Variants in NCOA1 observed in about 807,000 individuals in gnomAD.
NCOA1 encodes nuclear receptor coactivator 1, also known as Hin-2 protein.
In NCOA1, 35 loss-of-function variants were observed where a neutral mutation model predicts 150.9. That is an observed-to-expected ratio of 0.23 (90% CI 0.18 to 0.31). The LOEUF is 0.31. Among genes scored for constraint, NCOA1 ranks in the 10% least tolerant of loss-of-function variants. NCOA1 has a pLI of 1.00. For synonymous variants in NCOA1, 590 were observed against 630.0 expected (o/e 0.94, Z 0.95); for missense variants, 1,491 against 1,749.3 (o/e 0.85, Z 2.63).
chr2:24,735,549 T>A (rs969825795), intron 17 of NCOA1, among the ~76,000 whole-genome samples: 1 of 152,046 alleles, frequency 6.6e-6, no homozygotes, highest in Non-Finnish European at 1.5e-5. Flanking sequence ...TAAATAGATA[T>A]CATTTATTGG....
chr2:24,528,528 T>G (rs1013627601), intron 1 of NCOA1, among the ~76,000 whole-genome samples: 3 of 151,662 alleles, frequency 2.0e-5, no homozygotes, highest in Non-Finnish European at 4.4e-5. Flanking sequence ...TGTATTTTTT[T>G]GTAGAGATGG....
At chr2:24,637,884 C>T (rs368344543) in intron 3 of NCOA1, among the ~76,000 whole-genome samples, 6 of 151,868 alleles carry the variant, frequency 4.0e-5, no homozygotes, top group East Asian at 1.9e-4. Flanking sequence ...TTAGTAAAGA[C>T]GGGGTTTCTC....
At chr2:24,720,715 GAAA>G (rs1290094135) in intron 14 of NCOA1, among the ~76,000 whole-genome samples, 1 of 152,002 alleles carries the variant, frequency 6.6e-6, no homozygotes, top group African/African-American at 2.4e-5. Context: ...GAAGGAAAAA[GAAA>G]GAAAAAAGAT....
chr2:24,593,381 G>A (rs1267640259), intron 3 of NCOA1, among the ~76,000 whole-genome samples: 1 of 152,066 alleles, frequency 6.6e-6, no homozygotes, highest in Non-Finnish European at 1.5e-5. Context: ...GTATAGCTGT[G>A]GCATAAAAGG....
At chr2:24,667,883 A>T (rs1671503005) in intron 6 of NCOA1, among the ~76,000 whole-genome samples, 1 of 152,174 alleles carries the variant, frequency 6.6e-6, no homozygotes, top group African/African-American at 2.4e-5. Context: ...AAATATTTTT[A>T]AAAACAGAAA....
Position 24,681,207 on chromosome 2 carries a change from T to C in NCOA1, c.355-1744T>C, listed in dbSNP as rs572152997. On this transcript the variant is annotated intron_variant, in intron 7 of 22. Transcript: ENST00000348332. ...GGTAAAACCCCATCTCTACTAAAAA[T>C]ACAGAAATCAGCGGGGCATGGTGGC... 2.6e-5 allele frequency among the ~76,000 whole-genome samples: 4 copies of C among 151,714 alleles called. No individual in the cohort carries two copies. In the East Asian group the frequency reaches 5.8e-4, roughly 22 times the overall value.
At chr2:24,540,085 A>G (rs1665326311) in intron 1 of NCOA1, among the ~76,000 whole-genome samples, 6 of 152,338 alleles carry the variant, frequency 3.9e-5, no homozygotes, top group South Asian at 4.1e-4. Flanking sequence ...GCAATATGAG[A>G]TAAGTACTGC....
intron 14 of NCOA1, among the ~76,000 whole-genome samples, chr2:24,719,442 T>C (rs1242775538): frequency 6.8e-6 from 1 of 146,478 alleles, no homozygotes; most frequent in African/African-American, 2.4e-5. Context: ...CATTTTATTG[T>C]ATGTAAATTA....
At chr2:24,553,027 A>G (rs1665926202) in intron 1 of NCOA1, among the ~76,000 whole-genome samples, 1 of 152,168 alleles carries the variant, frequency 6.6e-6, no homozygotes, top group Non-Finnish European at 1.5e-5. Context: ...AATACAGTAC[A>G]TTGTTGAATA....
At chr2:24,705,849 G>A (rs1011387931) in intron 12 of NCOA1, among the ~76,000 whole-genome samples, 2 of 152,034 alleles carry the variant, frequency 1.3e-5, no homozygotes, top group Admixed American at 6.6e-5. Flanking sequence ...TAATGTATTT[G>A]CTTATTGGAA....
At chr2:24,573,613 A>AT (rs1450781823) in intron 2 of NCOA1, among the ~76,000 whole-genome samples, 8 of 152,086 alleles carry the variant, frequency 5.3e-5, no homozygotes, top group Non-Finnish European at 1.2e-4. Flanking sequence ...GATTAAGTTG[A>AT]TTTTTCCAGT....
chr2:24,683,231 T>TAAC, intron 8 of NCOA1, 103 bp downstream of exon 8: 1 of 656,364 alleles, frequency 1.5e-6, no homozygotes, highest in African/African-American at 1.9e-5. Flanking sequence ...CACAGTATTA[T>TAAC]ATATGTTATA....
intron 1 of NCOA1, among the ~76,000 whole-genome samples, chr2:24,506,537 A>C (rs1663703526): frequency 6.6e-6 from 1 of 152,166 alleles, no homozygotes; most frequent in Non-Finnish European, 1.5e-5. Context: ...TTTTCAGAGG[A>C]AAATTTTGGC....
chr2:24,553,597 T>C (rs1021130415), intron 1 of NCOA1, among the ~76,000 whole-genome samples: 3 of 152,234 alleles, frequency 2.0e-5, no homozygotes, highest in Non-Finnish European at 2.9e-5. Context: ...CATTGATGGA[T>C]TTTCTTTCAT....
intron 1 of NCOA1, among the ~76,000 whole-genome samples, chr2:24,510,279 G>A (rs1558752812): frequency 6.6e-6 from 1 of 152,200 alleles, no homozygotes; most frequent in Non-Finnish European, 1.5e-5. Flanking sequence ...TCAAACTCCT[G>A]ACTTTAAGTG....
In NCOA1 at chr2:24,518,761, C is replaced by G. The variant is rs373499970; in HGVS notation, c.-396+27159C>G. ...CACTATGAAGTACTTAGAGATAAAT[C>G]TAAAAAAAGATGTTTAAGACTTGTA... On this transcript the variant is annotated intron_variant, in intron 1 of 22. Transcript: ENST00000348332. Among the ~76,000 whole-genome samples, 42 of 152,136 alleles carry G rather than the reference C, an allele frequency of 2.8e-4. 1 individual carries two copies. In the East Asian group the frequency reaches 5.4e-3, roughly 20 times the overall value.
intron 3 of NCOA1, among the ~76,000 whole-genome samples, chr2:24,624,786 A>G (rs895015192): frequency 1.3e-5 from 2 of 152,238 alleles, no homozygotes; most frequent in African/African-American, 4.8e-5. Context: ...TAAAAATAAC[A>G]GTTCTTATAA....
chr2:24,508,796 G>C (rs1663811709), intron 1 of NCOA1, among the ~76,000 whole-genome samples: 1 of 152,094 alleles, frequency 6.6e-6, no homozygotes, highest in African/African-American at 2.4e-5. Context: ...TTTTGGTGGG[G>C]GGAGGACAAG....
intron 1 of NCOA1, among the ~76,000 whole-genome samples, chr2:24,537,362 G>A (rs538701865): frequency 6.8e-4 from 104 of 151,926 alleles, no homozygotes; most frequent in South Asian, 1.2e-3. Flanking sequence ...GCTAAGTGAA[G>A]TAAGTCAGAC....
Sources: allele counts gnomAD v4.1 joint callset (sites outside exome capture counted in the v4.1 genomes callset), GRCh38; gene constraint gnomAD v4.1.1; transcripts MANE v1.5; gene names NCBI Gene and HGNC (gene_info 2026-07-23, HGNC 2026-07-21).